GAPVD1: variants seen among roughly 807,000 people sequenced by gnomAD.
GAPVD1 encodes the protein GTPase-activating protein and VPS9 domain-containing protein 1.
In GAPVD1, 35 loss-of-function variants were observed where a neutral mutation model predicts 155.5. The ratio of observed to expected loss-of-function variants is 0.23; its 90% CI spans 0.17 to 0.30. The LOEUF (loss-of-function observed/expected upper bound fraction) is 0.30. Among genes scored for constraint, GAPVD1 ranks in the 10% least tolerant of loss-of-function variants. GAPVD1 has a pLI of 1.00. For missense variants in GAPVD1, 1,429 were observed against 1,775.7 expected, an observed-to-expected ratio of 0.80 and a Z score of 3.51; for synonymous variants, 636 against 619.7, an observed-to-expected ratio of 1.03 and a Z score of -0.39.
At chr9:125,262,987 C>T (rs1416587042) in intron 1 of GAPVD1, among the ~76,000 whole-genome samples, 1 of 152,024 alleles carries the variant, frequency 6.6e-6, no homozygotes, top group Non-Finnish European at 1.5e-5. Flanking sequence ...TGTTACTAGA[C>T]CCGCCGTTAG....
chr9:125,321,409 C>A (rs762724183), intron 9 of GAPVD1, 24 bp from the exon 10 acceptor site: 2 of 1,590,714 alleles, frequency 1.3e-6, no homozygotes, highest in Admixed American at 1.7e-5. Context: ...ATTGATAAAC[C>A]AAAATTGACA....
intron 9 of GAPVD1, among the ~76,000 whole-genome samples, chr9:125,318,277 G>A (rs1390690108): frequency 3.9e-5 from 6 of 152,230 alleles, no homozygotes; most frequent in Admixed American, 1.3e-4. Flanking sequence ...GTGAGCCACT[G>A]TGGCCAGCTA....
intron 4 of GAPVD1, among the ~76,000 whole-genome samples, chr9:125,300,333 C>T (rs931344891): frequency 3.3e-5 from 5 of 150,422 alleles, no homozygotes; most frequent in South Asian, 2.1e-4. Flanking sequence ...AGACTTGTGC[C>T]ACCATGCCTG....
In GAPVD1 at chr9:125,338,555, C is replaced by T. The variant is rs183003500; in HGVS notation, c.2877+964C>T. On this transcript the variant is annotated intron_variant, in intron 17 of 27. Transcript: ENST00000297933. The stretch of plus-strand genomic sequence containing the variant: ...TTTTTCTTGACTCATATGACCTGGA[C>T]GCTCTTGAAATTTACAGGCCATTTG... 2.7e-3 allele frequency among the ~76,000 whole-genome samples: 407 copies of T among 152,254 alleles called. 1 individual carries two copies. Among genetic ancestry groups the T allele is most frequent in the Admixed American group, 6.5e-3 (100 of 15,282 alleles).
intron 6 of GAPVD1, among the ~76,000 whole-genome samples, chr9:125,305,438 T>A (rs1377244033): frequency 6.6e-6 from 1 of 150,530 alleles, no homozygotes; most frequent in African/African-American, 2.4e-5. Context: ...AGTGGCATGA[T>A]CTTGGCTCAC....
intron 8 of GAPVD1, chr9:125,309,015 A>G (rs1484359146): frequency 2.0e-5 from 3 of 152,190 alleles, no homozygotes; most frequent in Non-Finnish European, 2.9e-5. Flanking sequence ...TGTTTAAGCC[A>G]GGGGAACAGG....
intron 2 of GAPVD1, among the ~76,000 whole-genome samples, chr9:125,285,453 GTT>G (rs10659223): frequency 3.2e-5 from 3 of 94,680 alleles, no homozygotes; most frequent in Non-Finnish European, 4.0e-5. Flanking sequence ...TTTTTTCTTT[GTT>G]TTTTTTTTTT....
At chr9:125,262,181 C>T (rs1783228785) in intron 1 of GAPVD1, among the ~76,000 whole-genome samples, 1 of 151,836 alleles carries the variant, frequency 6.6e-6, no homozygotes, top group African/African-American at 2.4e-5. Context: ...GGAGCCAGGG[C>T]GGCCTGGGGC....
At chr9:125,337,689 TAGAG>T in intron 17 of GAPVD1, 98 bp downstream of exon 17, 1 of 1,136,532 alleles carries the variant, frequency 8.8e-7, no homozygotes. Context: ...GGATTACAGA[TAGAG>T]AGTAGTCATG....
chr9:125,355,531 AAGATCATG>A (rs1487065967), intron 24 of GAPVD1, 105 bp from the exon 25 acceptor site: 1 of 669,140 alleles, frequency 1.5e-6, no homozygotes, highest in Admixed American at 3.0e-5. Context: ...TTTTGGCTTT[AAGATCATG>A]GTGTCTGCAT....
intron 25 of GAPVD1, among the ~76,000 whole-genome samples, chr9:125,356,696 G>A (rs1850128582): frequency 6.6e-6 from 1 of 152,086 alleles, no homozygotes; most frequent in African/African-American, 2.4e-5. Flanking sequence ...TATTTAGACA[G>A]AGTGTCACTC....
At position 125,341,157 on chromosome 9, in the gene GAPVD1, G is replaced by A. The variant is rs1395755763; in HGVS notation, c.2878-20G>A. 5 of 1,287,590 alleles carry A rather than the reference G, an allele frequency of 3.9e-6. No homozygotes were observed. Among genetic ancestry groups the A allele is most frequent in the Non-Finnish European group, 5.7e-6 (5 of 881,488 alleles). The allele number at this position is 1,287,590 out of a possible 1,614,324, so 79.8% of individuals were successfully genotyped here. A position where few individuals can be genotyped will look rare whatever the true frequency, so the allele number is the denominator to read the frequency against. On this transcript the variant is annotated intron_variant, in intron 17 of 27. Transcript: ENST00000297933. ...ATCCTGCTATCCAACTCCAAATAAA[G>A]CCTCCAACTTTTTCTACAGACTGAA...
At chr9:125,276,944 C>T (rs570875543) in intron 2 of GAPVD1, among the ~76,000 whole-genome samples, 2 of 151,610 alleles carry the variant, frequency 1.3e-5, no homozygotes, top group South Asian at 2.1e-4. Context: ...ATTTTTTTTT[C>T]GTAAATATGG....
chr9:125,294,658 T>G (rs1342701070), intron 2 of GAPVD1, among the ~76,000 whole-genome samples: 4 of 151,688 alleles, frequency 2.6e-5, no homozygotes, highest in African/African-American at 9.7e-5. Flanking sequence ...AATGGTTTTT[T>G]TTTTTTTTTT....
At chr9:125,351,172 G>T (rs1172001211) in intron 23 of GAPVD1, among the ~76,000 whole-genome samples, 1 of 152,186 alleles carries the variant, frequency 6.6e-6, no homozygotes, top group East Asian at 1.9e-4. Context: ...AAGAGAACTT[G>T]TTCAGGGAAA....
intron 1 of GAPVD1, among the ~76,000 whole-genome samples, chr9:125,267,983 T>TG (rs1834248749): frequency 6.6e-6 from 1 of 151,978 alleles, no homozygotes; most frequent in Non-Finnish European, 1.5e-5. Flanking sequence ...GCCGACATGA[T>TG]GAAATCCCAT....
rs1198206448 is a variant in GAPVD1 at position 125,300,039 on chromosome 9, ATAT to A, written c.185+934_185+936del. ...GTCTCAAAAGAAAAAAAAAAAAAAAATATATATATATATATATATATATATATA... is the reference window on the plus strand; with the variant it reads ...GTCTCAAAAGAAAAAAAAAAAAAAAAATATATATATATATATATATATATA... On this transcript the variant is annotated intron_variant, in intron 4 of 27. Transcript: ENST00000297933. 9.9e-4 allele frequency among the ~76,000 whole-genome samples: 15 copies of A among 15,146 alleles called. 2 individuals carry two copies. Among genetic ancestry groups the A allele is most frequent in the Non-Finnish European group, 1.2e-3 (10 of 8,300 alleles). 9.9% of individuals were successfully genotyped at this position (15,146 alleles called of 152,430 possible).
rs150935007 is a variant in GAPVD1 at position 125,349,071 on chromosome 9, T to C, written c.3170-319T>C. ...ATTTTTGAAGCCTCTTTTAGTTCTC[T>C]GGTTCAGTGATTCTAAGATGTTAAC... On this transcript the variant is annotated intron_variant, in intron 20 of 27. Transcript: ENST00000297933. 3.5e-3 allele frequency among the ~76,000 whole-genome samples: 529 copies of C among 152,360 alleles called. 3 individuals are homozygous for C. The highest frequency in any genetic ancestry group is 0.012 in the African/African-American group (517 of 41,578).
chr9:125,317,753 G>A (rs752739814), intron 9 of GAPVD1, among the ~76,000 whole-genome samples: 8 of 150,606 alleles, frequency 5.3e-5, no homozygotes, highest in East Asian at 1.9e-4. Context: ...TGGAAACCAC[G>A]GACAAAGAAC....
Sources: gnomAD v4.1 joint callset for allele counts (sites outside exome capture counted in the v4.1 genomes callset) on GRCh38, gnomAD v4.1.1 for gene constraint, MANE v1.5 for transcripts, NCBI Gene and HGNC (gene_info 2026-07-23, HGNC 2026-07-21) for gene names.